SRGAP3: variants seen among roughly 807,000 people sequenced by gnomAD.
SRGAP3 encodes the protein SLIT-ROBO Rho GTPase-activating protein 3.
Under a neutral mutation model 121.1 loss-of-function variants are expected in SRGAP3, and 39 were observed. The ratio of observed to expected loss-of-function variants is 0.32; its 90% CI spans 0.25 to 0.42. The LOEUF is 0.42. SRGAP3 is among the 10% of genes least tolerant of loss of function. SRGAP3 has a pLI of 1.00. For synonymous variants in SRGAP3, 601 were observed against 570.0 expected, an observed-to-expected ratio of 1.05 and a Z score of -0.77; for missense variants, 1,213 against 1,470.6, an observed-to-expected ratio of 0.82 and a Z score of 2.86.
At chr3:9,045,621 G>A (rs186450488) in intron 10 of SRGAP3, among the ~76,000 whole-genome samples, 30 of 152,216 alleles carry the variant, frequency 2.0e-4, no homozygotes, top group African/African-American at 7.0e-4. Flanking sequence ...GGCAATGAAA[G>A]CTGCCTTTGT....
chr3:9,064,532 C>T lies in SRGAP3; in HGVS notation c.536G>A (p.Ser179Asn). 1.9e-6 allele frequency: 3 copies of T among 1,614,158 alleles called. No homozygotes were observed. Among genetic ancestry groups the T allele is most frequent in the Non-Finnish European group, 2.5e-6 (3 of 1,180,040 alleles). The change falls in exon 5 of 22, where the codon AGC (serine) becomes AAC (asparagine). Residue 179 changes from serine to asparagine, a missense_variant. Around this residue, in one of 2 missense-constraint regions of SRGAP3, gnomAD observed 793 missense variants for 1,032.9 expected, o/e 0.77. Coordinates refer to ENST00000383836, the MANE Select transcript of SRGAP3 (RefSeq NM_014850.4). ...CTGCTTCTCAGCCTCCTTCAGCTTG[C>T]TTTCCGCACTGATGCTCTCTGCATG... ...MYHAESISAE[S>N]KLKEAEKQEE... is the part of the protein sequence containing the mutation.
intron 1 of SRGAP3, among the ~76,000 whole-genome samples, chr3:9,199,674 T>C (rs1203620259): frequency 1.3e-5 from 2 of 152,248 alleles, no homozygotes; most frequent in African/African-American, 2.4e-5. Context: ...AAGAACTGCA[T>C]TCAGTTTTTG....
At chr3:9,101,587 G>C (rs2124901552) in intron 3 of SRGAP3, among the ~76,000 whole-genome samples, 1 of 152,298 alleles carries the variant, frequency 6.6e-6, no homozygotes, top group East Asian at 1.9e-4. Flanking sequence ...CTGTAAAAGA[G>C]CCCCTCGCCT....
At chr3:9,091,972 T>C (rs1243525812) in intron 3 of SRGAP3, among the ~76,000 whole-genome samples, 2 of 152,180 alleles carry the variant, frequency 1.3e-5, no homozygotes, top group Non-Finnish European at 2.9e-5. Context: ...GTCTTCCTAC[T>C]GTTGCCAGGG....
At chr3:9,140,656 G>A (rs1008648889) in intron 1 of SRGAP3, among the ~76,000 whole-genome samples, 3 of 152,184 alleles carry the variant, frequency 2.0e-5, no homozygotes, top group African/African-American at 7.2e-5. Flanking sequence ...AGTAGTCATA[G>A]AATACATATA....
At chr3:9,037,356 G>T (rs917170541) in intron 11 of SRGAP3, 3 of 152,388 alleles carry the variant, frequency 2.0e-5, no homozygotes, top group Non-Finnish European at 2.9e-5. Context: ...AGCCACTTAT[G>T]GATCTAAGCT....
At chr3:9,075,167 C>T (rs932189505) in intron 4 of SRGAP3, among the ~76,000 whole-genome samples, 2 of 152,208 alleles carry the variant, frequency 1.3e-5, no homozygotes, top group African/African-American at 2.4e-5. Context: ...TACTGGTCCA[C>T]GTTCTTTACC....
chr3:9,128,450 A>C (rs1313473859), intron 1 of SRGAP3, among the ~76,000 whole-genome samples: 1 of 152,234 alleles, frequency 6.6e-6, no homozygotes, highest in Non-Finnish European at 1.5e-5. Flanking sequence ...AAATTTTATG[A>C]AGCAAGTGAA....
intron 1 of SRGAP3, among the ~76,000 whole-genome samples, chr3:9,207,323 A>T (rs546285290): frequency 1.3e-5 from 2 of 152,318 alleles, no homozygotes; most frequent in South Asian, 4.1e-4. Context: ...CAGTGGCAAC[A>T]AAGAAAGAGA....
rs1954938136 is a variant in SRGAP3, at chr3:9,295,526, T to C, written n.442+30484A>G. 2.0e-5 allele frequency among the ~76,000 whole-genome samples: 3 copies of C among 152,244 alleles called. No homozygotes were observed. In the South Asian group the frequency reaches 6.2e-4, roughly 32 times the overall value. ...TTATTTCTTCATCCTGAGAGCCCAC[T>C]AAAATGACAGCAAAGGCATAAAAAG... On this transcript the variant is annotated intron_variant and non_coding_transcript_variant, in intron 3 of 3. Transcript: ENST00000490889.
intron 1 of SRGAP3, among the ~76,000 whole-genome samples, chr3:9,213,738 G>A (rs1952524273): frequency 1.3e-5 from 2 of 152,332 alleles, no homozygotes; most frequent in Middle Eastern, 3.4e-3. Context: ...CCATGACCAT[G>A]ATCTGGCCAA....
Position 9,112,903 on chromosome 3 carries a change from T to C in SRGAP3, c.261-8061A>G, listed in dbSNP as rs373229802. 9.2e-5 allele frequency among the ~76,000 whole-genome samples: 14 copies of C among 152,224 alleles called. No individual in the cohort carries two copies. In the East Asian group the frequency reaches 1.5e-3, roughly 17 times the overall value. The stretch of plus-strand genomic sequence containing the variant: ...TGGGCACACAGGCACTCTCAGAAAA[T>C]ATTTGTGAGTAGGTGAAAAGTGCCC... On this transcript the variant is annotated intron_variant, in intron 2 of 21. Transcript: ENST00000383836.
At position 9,032,423 on chromosome 3, in the gene SRGAP3, C is replaced by G. The variant is rs75618961; in HGVS notation, c.1539+227G>C. Among the ~76,000 whole-genome samples the G allele has an allele frequency of 7.0e-3, 1,063 of 152,254 alleles. 8 individuals carry two copies. The highest frequency in any genetic ancestry group is 0.022 in the African/African-American group (924 of 41,542). ...CCTGAGTTCTTTCATGATCTGAATC[C>G]CTACCCCCAGGGCTGAGAATTGCGC... On this transcript the variant is annotated intron_variant, in intron 12 of 21. Transcript: ENST00000383836.
At chr3:9,091,306 T>A (rs1947747266) in intron 3 of SRGAP3, among the ~76,000 whole-genome samples, 1 of 152,004 alleles carries the variant, frequency 6.6e-6, no homozygotes, top group Non-Finnish European at 1.5e-5. Flanking sequence ...TCATGTTGGG[T>A]TACTCTTAGG....
intron 1 of SRGAP3, among the ~76,000 whole-genome samples, chr3:9,158,709 A>C (rs1273895182): frequency 1.3e-5 from 2 of 152,102 alleles, no homozygotes; most frequent in Non-Finnish European, 2.9e-5. Flanking sequence ...ACAGAATCTC[A>C]GACAGACTAA....
At chr3:9,115,192 C>G (rs572717151) in intron 2 of SRGAP3, among the ~76,000 whole-genome samples, 1 of 152,270 alleles carries the variant, frequency 6.6e-6, no homozygotes, top group East Asian at 1.9e-4. Context: ...ATGACAACAC[C>G]TTCCTTGACT....
intron 3 of SRGAP3, among the ~76,000 whole-genome samples, chr3:9,307,382 CTGA>C (rs1955176814): frequency 1.3e-5 from 2 of 152,310 alleles, no homozygotes; most frequent in Admixed American, 6.5e-5. Context: ...GCTGGAAATG[CTGA>C]TGGCATGAAA....
intron 3 of SRGAP3, among the ~76,000 whole-genome samples, chr3:9,289,665 C>T (rs750558985): frequency 6.6e-6 from 1 of 152,148 alleles, no homozygotes; most frequent in South Asian, 2.1e-4. Flanking sequence ...ATTTCCAAAT[C>T]ACCCTCACAC....
At chr3:8,996,911 G>A in intron 18 of SRGAP3, among the ~76,000 whole-genome samples, 1 of 152,226 alleles carries the variant, frequency 6.6e-6, no homozygotes, top group Non-Finnish European at 1.5e-5. Context: ...CAGAGGGGCT[G>A]CCTCCGGTTT....
Sources: allele counts gnomAD v4.1 joint callset (sites outside exome capture counted in the v4.1 genomes callset), GRCh38; gene constraint gnomAD v4.1.1; regional missense constraint gnomAD v4.1.1; transcripts MANE v1.5; gene names NCBI Gene and HGNC (gene_info 2026-07-23, HGNC 2026-07-21).